The following FHIT variants were observed in gnomAD, a reference collection of about 807,000 sequenced individuals.
FHIT encodes the protein bis(5'-adenosyl)-triphosphatase.
In FHIT, 19 loss-of-function variants were observed where a neutral mutation model predicts 17.9. That is an observed-to-expected ratio of 1.06 (90% CI 0.74 to 1.56). The LOEUF (loss-of-function observed/expected upper bound fraction) is 1.56, where lower values mean the gene tolerates loss of function less well. Ranked by LOEUF, FHIT falls within the 40% of genes most tolerant of loss-of-function variation. The pLI is 0.00. For missense variants in FHIT, 248 were observed against 189.2 expected, an observed-to-expected ratio of 1.31 and a Z score of -1.82; for synonymous variants, 81 against 69.7, an observed-to-expected ratio of 1.16 and a Z score of -0.81.
chr3:61,053,346 A>G (rs1424496178), intron 2 of FHIT, among the ~76,000 whole-genome samples: 1 of 152,142 alleles, frequency 6.6e-6, no homozygotes, highest in African/African-American at 2.4e-5. Context: ...GAAGTTAATG[A>G]TTCTTGGGGC....
intron 2 of FHIT, among the ~76,000 whole-genome samples, chr3:61,199,992 A>G (rs987945088): frequency 1.3e-5 from 2 of 152,158 alleles, no homozygotes; most frequent in African/African-American, 4.8e-5. Flanking sequence ...AAACAATTAC[A>G]TTTTTCCATG....
chr3:60,507,395 A>G (rs2034776321), intron 5 of FHIT, among the ~76,000 whole-genome samples: 1 of 152,220 alleles, frequency 6.6e-6, no homozygotes, highest in Non-Finnish European at 1.5e-5. Context: ...AAGCAAGACC[A>G]GAGGCCTTTA....
At chr3:60,237,094 T>C (rs1704836576) in intron 5 of FHIT, among the ~76,000 whole-genome samples, 1 of 152,148 alleles carries the variant, frequency 6.6e-6, no homozygotes. Context: ...TACTCCATTT[T>C]CACTCTTACA....
intron 5 of FHIT, among the ~76,000 whole-genome samples, chr3:60,132,381 C>A (rs967354456): frequency 6.6e-6 from 1 of 151,978 alleles, no homozygotes; most frequent in Non-Finnish European, 1.5e-5. Context: ...ATTTGTTAAA[C>A]GAATGAACAT....
At chr3:60,670,417 C>A (rs1357430254) in intron 4 of FHIT, among the ~76,000 whole-genome samples, 2 of 152,188 alleles carry the variant, frequency 1.3e-5, no homozygotes, top group African/African-American at 4.8e-5. Context: ...CTTTATTTCT[C>A]AGTGTCTCCT....
Position 60,321,383 on chromosome 3 carries a change from G to A in FHIT, c.103+215477C>T, listed in dbSNP as rs141060727. Among the ~76,000 whole-genome samples, 647 of 152,280 alleles carry A rather than the reference G, an allele frequency of 4.2e-3. 5 individuals are homozygous for A. The highest frequency in any genetic ancestry group is 0.015 in the African/African-American group (620 of 41,558). On this transcript the variant is annotated intron_variant, in intron 5 of 9. Transcript: ENST00000492590. ...CTCAGCTACTCAGTAGGCTGAGACA[G>A]GAGTATTGTTTGAACTCCGGAGGTC...
At chr3:59,979,556 C>A (rs3772485) in intron 7 of FHIT, among the ~76,000 whole-genome samples, 8,279 of 151,954 alleles carry the variant, frequency 0.054, 287 homozygotes, top group Admixed American at 0.1. Context: ...TCCTATGGAT[C>A]CCAAAATCTT....
At chr3:60,921,178 C>A (rs935465522) in intron 3 of FHIT, among the ~76,000 whole-genome samples, 2 of 152,086 alleles carry the variant, frequency 1.3e-5, no homozygotes, top group African/African-American at 2.4e-5. Flanking sequence ...AAAGGTGGAC[C>A]AGGCAGTGTC....
At chr3:60,740,891 T>G (rs976419487) in intron 4 of FHIT, among the ~76,000 whole-genome samples, 2 of 152,232 alleles carry the variant, frequency 1.3e-5, no homozygotes, top group Non-Finnish European at 2.9e-5. Flanking sequence ...AACCAACTCC[T>G]AGGAGTAACA....
At chr3:60,073,167 T>TA (rs1402467903) in intron 5 of FHIT, among the ~76,000 whole-genome samples, 2 of 152,196 alleles carry the variant, frequency 1.3e-5, no homozygotes, top group Admixed American at 6.5e-5. Flanking sequence ...TTGCTAACCA[T>TA]ACAGGTAAAT....
At chr3:60,178,316 A>G (rs1182760155) in intron 5 of FHIT, among the ~76,000 whole-genome samples, 1 of 152,084 alleles carries the variant, frequency 6.6e-6, no homozygotes, top group African/African-American at 2.4e-5. Context: ...GGCAGACACA[A>G]TGGCTCACAC....
chr3:60,956,157 T>C (rs371307133), intron 3 of FHIT, among the ~76,000 whole-genome samples: 1 of 152,212 alleles, frequency 6.6e-6, no homozygotes, highest in East Asian at 1.9e-4. Flanking sequence ...AAAATTGTTG[T>C]AAACCTAAAG....
chr3:60,365,067 A>G (rs1433334704), intron 5 of FHIT, among the ~76,000 whole-genome samples: 2 of 150,194 alleles, frequency 1.3e-5, no homozygotes, highest in African/African-American at 2.4e-5. Flanking sequence ...TATATATTCT[A>G]TTGGTTCTGT....
chr3:60,378,094 A>T (rs955828947), intron 5 of FHIT, among the ~76,000 whole-genome samples: 1 of 151,584 alleles, frequency 6.6e-6, no homozygotes, highest in Non-Finnish European at 1.5e-5. Flanking sequence ...TGGCGCGATC[A>T]CGGCTCACTG....
At chr3:61,027,355 G>C (rs1353126750) in intron 3 of FHIT, among the ~76,000 whole-genome samples, 1 of 152,200 alleles carries the variant, frequency 6.6e-6, no homozygotes, top group Non-Finnish European at 1.5e-5. Context: ...CCAAAGTGCT[G>C]GGATTACAGG....
intron 5 of FHIT, among the ~76,000 whole-genome samples, chr3:60,015,306 G>A (rs1247222677): frequency 6.6e-6 from 1 of 152,100 alleles, no homozygotes; most frequent in Non-Finnish European, 1.5e-5. Context: ...GGAAGAGAAA[G>A]AAGAAACTGA....
At chr3:60,543,907 CTTTTTTTTTT>C (rs71092612) in intron 4 of FHIT, among the ~76,000 whole-genome samples, 6 of 52,062 alleles carry the variant, frequency 1.2e-4, no homozygotes, top group East Asian at 1.1e-3. Flanking sequence ...CCACGCCCGG[CTTTTTTTTTT>C]TTTTTTTTTT....
chr3:60,088,497 C>T (rs186197289), intron 5 of FHIT, among the ~76,000 whole-genome samples: 1 of 152,172 alleles, frequency 6.6e-6, no homozygotes, highest in African/African-American at 2.4e-5. Context: ...CGAGTATCAT[C>T]CTACATCATC....
intron 8 of FHIT, among the ~76,000 whole-genome samples, chr3:59,803,451 T>C (rs1700078642): frequency 6.6e-6 from 1 of 152,178 alleles, no homozygotes; most frequent in Admixed American, 6.5e-5. Flanking sequence ...CAGCTCCTGC[T>C]GCATTAACGG....
Sources: gnomAD v4.1 joint callset for allele counts (sites outside exome capture counted in the v4.1 genomes callset) on GRCh38, gnomAD v4.1.1 for gene constraint, MANE v1.5 for transcripts, NCBI Gene and HGNC (gene_info 2026-07-23, HGNC 2026-07-21) for gene names.